The following PHF6 variants were observed in gnomAD, a reference collection of about 807,000 sequenced individuals.
PHF6 encodes PHD finger protein 6.
PHF6 carries 7 observed loss-of-function variants against 34.0 expected under a neutral mutation model. That is an observed-to-expected ratio of 0.21 (90% CI 0.12 to 0.39). PHF6 has a LOEUF of 0.39. PHF6 is among the 10% of genes least tolerant of loss of function. The pLI, the probability that PHF6 is intolerant of heterozygous loss-of-function variation, is 1.00. For missense variants in PHF6, 128 were observed against 262.8 expected, an observed-to-expected ratio of 0.49 and a Z score of 3.55; for synonymous variants, 89 against 88.4, an observed-to-expected ratio of 1.01 and a Z score of -0.04.
intron 5 of PHF6, among the ~76,000 whole-genome samples, chrX:134,399,114 A>G (rs913189246): frequency 9.0e-6 from 1 of 111,659 alleles, no homozygotes; most frequent in African/African-American, 3.3e-5. Flanking sequence ...TTAGTGTTAC[A>G]TCCTGGAAAC....
At chrX:134,421,211 C>A (rs186556489) in intron 9 of PHF6, among the ~76,000 whole-genome samples, 1 of 111,632 alleles carries the variant, frequency 9.0e-6, no homozygotes, top group East Asian at 2.8e-4. Context: ...TCATCAAAGA[C>A]CCACATCACC....
At chrX:134,408,696 A>G (rs761612125) in intron 5 of PHF6, among the ~76,000 whole-genome samples, 18 of 111,604 alleles carry the variant, frequency 1.6e-4, no homozygotes, top group Non-Finnish European at 2.3e-4. Context: ...TTCTGCCACT[A>G]TATGCAAATG....
At chrX:134,411,858 G>A (rs754547999) in intron 5 of PHF6, among the ~76,000 whole-genome samples, 5 of 111,021 alleles carry the variant, frequency 4.5e-5, no homozygotes, top group Non-Finnish European at 9.4e-5. Flanking sequence ...TCAGCCTCCC[G>A]ATTAGCTGGG....
At chrX:134,385,446 G>T (rs1320466217) in intron 3 of PHF6, among the ~76,000 whole-genome samples, 1 of 111,913 alleles carries the variant, frequency 8.9e-6, no homozygotes, top group East Asian at 2.8e-4. Flanking sequence ...CTAGCATGAT[G>T]TGGGGATAAT....
chrX:134,376,893 C>CA (rs2077279978), intron 1 of PHF6, among the ~76,000 whole-genome samples: 1 of 111,186 alleles, frequency 9.0e-6, no homozygotes, highest in African/African-American at 3.3e-5. Context: ...TAAAGTGCAC[C>CA]AAAGTCATAG....
chrX:134,373,984 C>T (rs1300663769), intron 1 of PHF6, among the ~76,000 whole-genome samples: 1 of 110,510 alleles, frequency 9.0e-6, no homozygotes, highest in African/African-American at 3.3e-5. Context: ...TGATATTTTC[C>T]TAGATTCGGG....
chrX:134,384,525 C>G (rs2077321499), intron 3 of PHF6, among the ~76,000 whole-genome samples: 1 of 111,173 alleles, frequency 9.0e-6, no homozygotes, highest in African/African-American at 3.3e-5. Flanking sequence ...ACCCCGCCCA[C>G]CACGCCCACT....
chrX:134,394,756 G>GTCTTGATC (rs755301265), intron 5 of PHF6, among the ~76,000 whole-genome samples: 1 of 110,311 alleles, frequency 9.1e-6, no homozygotes, highest in East Asian at 2.9e-4. Context: ...AGCCAGGATG[G>GTCTTGATC]TCTTGATCTC....
rs2077512313 is a variant in PHF6 at position 134,427,839 on chromosome X, G to A, written c.*2179G>A. ...TCTAATCATGTTTTCGTCACATGCT[G>A]AGTAAAAGTGCCTTACAATGTAAAA... On this transcript the variant is annotated 3_prime_UTR_variant, in exon 11 of 11. Coordinates refer to ENST00000370803, the MANE Select transcript of PHF6 (RefSeq NM_001015877.2). The A allele has an allele frequency of 6.3e-6, 1 of 157,561 alleles. No homozygotes were observed. The highest frequency in any genetic ancestry group is 8.4e-5 in the Admixed American group (1 of 11,973). 13.0% of individuals were successfully genotyped at this position (157,561 alleles called of 1,213,427 possible).
intron 7 of PHF6, among the ~76,000 whole-genome samples, chrX:134,414,270 G>T (rs757094626): frequency 2.7e-5 from 3 of 111,182 alleles, no homozygotes; most frequent in Non-Finnish European, 5.7e-5. Context: ...TAAAAATTTT[G>T]TCTTTATAAG....
intron 5 of PHF6, among the ~76,000 whole-genome samples, chrX:134,399,686 GACACACAC>G (rs749494093): frequency 5.2e-5 from 5 of 95,513 alleles, no homozygotes; most frequent in African/African-American, 1.6e-4. Flanking sequence ...CACACACACA[GACACACAC>G]ACACACACAC....
At chrX:134,382,713 G>A (rs1052113325) in intron 3 of PHF6, among the ~76,000 whole-genome samples, 2 of 108,364 alleles carry the variant, frequency 1.8e-5, no homozygotes, top group Non-Finnish European at 3.8e-5. Flanking sequence ...AATTATAGGC[G>A]CCCACCACCA....
rs2077363683 is a variant in PHF6 at position 134,393,492 on chromosome X, T to C, written c.241-9T>C. ...ATACTAATAATATTATTTTGTCGTT[T>C]TGCTGTAGATGTGTTCTTTGTGCCA... On this transcript the variant is annotated splice_polypyrimidine_tract_variant and intron_variant, in intron 3 of 10. Coordinates refer to ENST00000370803, the MANE Select transcript of PHF6 (RefSeq NM_001015877.2). 8.3e-7 allele frequency: 1 copy of C among 1,209,157 alleles called. No individual in the cohort carries two copies. The highest frequency in any genetic ancestry group is 1.1e-6 in the Non-Finnish European group (1 of 894,312).
chrX:134,421,102 G>GA (rs889035062), intron 9 of PHF6, among the ~76,000 whole-genome samples: 15 of 106,626 alleles, frequency 1.4e-4, no homozygotes, highest in East Asian at 8.7e-4. Flanking sequence ...TTATATAACA[G>GA]AAAAAAAAAA....
chrX:134,389,834 T>G (rs1260638255), intron 3 of PHF6, among the ~76,000 whole-genome samples: 1 of 111,392 alleles, frequency 9.0e-6, no homozygotes, highest in Non-Finnish European at 1.9e-5. Context: ...CTGAAGATAA[T>G]TATGTTAAAT....
At chrX:134,383,425 A>G (rs1382976816) in intron 3 of PHF6, among the ~76,000 whole-genome samples, 1 of 111,107 alleles carries the variant, frequency 9.0e-6, no homozygotes, top group Non-Finnish European at 1.9e-5. Flanking sequence ...CTTCCATTAA[A>G]TAAATATTTG....
chrX:134,399,670 G>C (rs78323931), intron 5 of PHF6, among the ~76,000 whole-genome samples: 4 of 92,866 alleles, frequency 4.3e-5, no homozygotes, highest in Admixed American at 1.1e-4. Context: ...CACACACACA[G>C]ACACACACAC....
intron 5 of PHF6, among the ~76,000 whole-genome samples, chrX:134,409,761 A>T (rs932863905): frequency 1.8e-5 from 2 of 109,182 alleles, no homozygotes; most frequent in African/African-American, 3.3e-5. Context: ...TTACCCAGGT[A>T]CTGGGCATAA....
intron 9 of PHF6, among the ~76,000 whole-genome samples, chrX:134,424,585 T>A (rs2077501920): frequency 8.9e-6 from 1 of 112,020 alleles, no homozygotes; most frequent in African/African-American, 3.2e-5. Flanking sequence ...TGACAGACTG[T>A]CTGGTCTAAT....
Sources: allele counts gnomAD v4.1 joint callset (sites outside exome capture counted in the v4.1 genomes callset), GRCh38; gene constraint gnomAD v4.1.1; transcripts MANE v1.5; gene names NCBI Gene and HGNC (gene_info 2026-07-23, HGNC 2026-07-21).